The following RAB15 variants were observed in gnomAD, a reference collection of about 807,000 sequenced individuals.
RAB15 encodes the protein ras-related protein Rab-15.
Under a neutral mutation model 31.8 loss-of-function variants are expected in RAB15, and 13 were observed. That is an observed-to-expected ratio of 0.41 (90% CI 0.27 to 0.65). The LOEUF is 0.65. Ranked by LOEUF, RAB15 falls within the 30% of genes least tolerant of loss-of-function variation. RAB15 has a pLI of 0.32. For synonymous variants in RAB15, 100 were observed against 105.6 expected (o/e 0.95, Z 0.33); for missense variants, 220 against 277.3 (o/e 0.79, Z 1.47).
In RAB15 at chr14:64,954,415, G is replaced by T. The variant is rs999994521; in HGVS notation, c.125-1844C>A. 76 of 985,312 alleles carry T rather than the reference G, an allele frequency of 7.7e-5. No homozygotes were observed. The highest frequency in any genetic ancestry group is 1.8e-4 in the Admixed American group (3 of 16,268). 61.0% of individuals were successfully genotyped at this position (985,312 alleles called of 1,614,324 possible). On this transcript the variant is annotated intron_variant, in intron 1 of 6. Transcript: ENST00000533601. This position sits in a 1 kb window ranked among gnomAD's most constrained non-coding sequence, Gnocchi z 4.3. ...CAGCACCTTCTTCCAAGAAGAACGAGAAATTTTCTCCAATTTGTAATATAC... is the reference window on the plus strand; with the variant it reads ...CAGCACCTTCTTCCAAGAAGAACGATAAATTTTCTCCAATTTGTAATATAC...
At position 64,948,101 on chromosome 14, in the gene RAB15, G is replaced by A. The variant is rs1886014513; in HGVS notation, c.*253C>T. 2.3e-6 allele frequency: 1 copy of A among 428,886 alleles called. No homozygotes were observed. The highest frequency in any genetic ancestry group is 4.2e-5 in the Admixed American group (1 of 23,882). The allele number at this position is 428,886 out of a possible 1,614,324, so 26.6% of individuals were successfully genotyped here. On this transcript the variant is annotated 3_prime_UTR_variant, in exon 7 of 7. Coordinates refer to ENST00000533601, the MANE Select transcript of RAB15 (RefSeq NM_001308154.2). The surrounding 1 kb of genome is among the most constrained non-coding windows in gnomAD (Gnocchi z 7.0). ...TGAGACAGTGCTTGCGGCACATCGT[G>A]GGGGTCGTAGCAGGCCTGTGGCTGG...
chr14:64,961,631 G>GGCAT (rs1363057909), intron 1 of RAB15, among the ~76,000 whole-genome samples: 3 of 152,156 alleles, frequency 2.0e-5, no homozygotes, highest in Non-Finnish European at 2.9e-5. Flanking sequence ...CTCAAGCCCA[G>GGCAT]GCATGGTGGC....
At position 64,958,786 on chromosome 14, in the gene RAB15, G is replaced by A. The variant is rs1886708711; in HGVS notation, c.125-6215C>T. On this transcript the variant is annotated intron_variant, in intron 1 of 6. Coordinates refer to ENST00000533601, the MANE Select transcript of RAB15 (RefSeq NM_001308154.2). This position sits in a 1 kb window ranked among gnomAD's most constrained non-coding sequence, Gnocchi z 4.4. ...CCCAGGAGGAGAAAGTCAGACAGATGGGCCCTCTCCCAACCAGGTGCCCAA... is the reference window on the plus strand; with the variant it reads ...CCCAGGAGGAGAAAGTCAGACAGATAGGCCCTCTCCCAACCAGGTGCCCAA... 6.6e-6 allele frequency among the ~76,000 whole-genome samples: 1 copy of A among 152,168 alleles called. No homozygotes were observed. Among genetic ancestry groups the A allele is most frequent in the Non-Finnish European group, 1.5e-5 (1 of 68,030 alleles).
chr14:64,951,611 G>C lies in RAB15; in HGVS notation c.238C>G (p.Arg80Gly). ...YQTITKQYYR[R>G]AQGIFLVYDI... ...CCAATGTGGTGGCTTACCTGGGCCC[G>C]CCGATAGTACTGCTTTGTGATGGTC... Residue 80 changes from arginine to glycine, a missense_variant, in exon 3 of 7, where the codon CGG becomes GGG. By Grantham distance (125) the Arg-to-Gly change is moderately radical. Coordinates refer to ENST00000533601, the MANE Select transcript of RAB15 (RefSeq NM_001308154.2). This position sits in a 1 kb window ranked among gnomAD's most constrained non-coding sequence, Gnocchi z 7.2. 1 of 1,614,112 alleles carries C rather than the reference G, an allele frequency of 6.2e-7. No homozygotes were observed. Among genetic ancestry groups the C allele is most frequent in the Non-Finnish European group, 8.5e-7 (1 of 1,179,940 alleles).
rs1297688487 is a variant in RAB15 at position 64,952,666 on chromosome 14, A to G, written c.125-95T>C. 4.4e-6 allele frequency: 4 copies of G among 904,832 alleles called. No individual in the cohort carries two copies. Among genetic ancestry groups the G allele is most frequent in the South Asian group, 2.9e-5 (2 of 69,458 alleles). 56.1% of individuals were successfully genotyped at this position (904,832 alleles called of 1,614,324 possible). On this transcript the variant is annotated intron_variant, in intron 1 of 6. Transcript: ENST00000533601. The surrounding 1 kb of genome is among the most constrained non-coding windows in gnomAD (Gnocchi z 4.2). Reference sequence around the variant, plus strand: ...AATCACACTTGAAAGGTTTCCTTTCAGTTTAATTTGGCAAAGGGATGAAGT... The same window carrying G: ...AATCACACTTGAAAGGTTTCCTTTCGGTTTAATTTGGCAAAGGGATGAAGT...
Position 64,965,845 on chromosome 14 carries a change from C to T in RAB15, c.124+6108G>A, listed in dbSNP as rs549054615. Among the ~76,000 whole-genome samples the T allele has an allele frequency of 7.2e-5, 11 of 152,236 alleles. No individual in the cohort carries two copies. In the South Asian group the frequency reaches 1.9e-3, roughly 26 times the overall value. On this transcript the variant is annotated intron_variant, in intron 1 of 6. Coordinates refer to ENST00000533601, the MANE Select transcript of RAB15 (RefSeq NM_001308154.2). ...GTGCTCCCAGCTGTGGGTGCATCTGCGGATCTGTGGCACAGATGCACAGCA... is the reference window on the plus strand; with the variant it reads ...GTGCTCCCAGCTGTGGGTGCATCTGTGGATCTGTGGCACAGATGCACAGCA...
At position 64,954,979 on chromosome 14, in the gene RAB15, C is replaced by A. The variant is rs1886461284; in HGVS notation, c.125-2408G>T. 6.6e-6 allele frequency among the ~76,000 whole-genome samples: 1 copy of A among 152,032 alleles called. No individual in the cohort carries two copies. Among genetic ancestry groups the A allele is most frequent in the African/African-American group, 2.4e-5 (1 of 41,384 alleles). ...GAACTGACAAGGAGACAGGGTACTCCACCGGAAGTGAGGCTGGGCAGTGAC... is the reference window on the plus strand; with the variant it reads ...GAACTGACAAGGAGACAGGGTACTCAACCGGAAGTGAGGCTGGGCAGTGAC... On this transcript the variant is annotated intron_variant, in intron 1 of 6. Transcript: ENST00000533601. The surrounding 1 kb of genome is among the most constrained non-coding windows in gnomAD (Gnocchi z 4.3).
In RAB15 at chr14:64,946,112, CCTT is replaced by C. The variant is rs1228882723; in HGVS notation, c.*2239_*2241del. On this transcript the variant is annotated 3_prime_UTR_variant, in exon 7 of 7. Coordinates refer to ENST00000533601, the MANE Select transcript of RAB15 (RefSeq NM_001308154.2). Reference sequence around the variant, plus strand: ...AGCTGCACCCTAAAATCCCAATTCTCCTTCTGCTCCCATACCTTTTCCCAGTCA... The same window carrying C: ...AGCTGCACCCTAAAATCCCAATTCTCCTGCTCCCATACCTTTTCCCAGTCA... 5 of 152,614 alleles carry C rather than the reference CCTT, an allele frequency of 3.3e-5. No homozygotes were observed. Among genetic ancestry groups the C allele is most frequent in the East Asian group, 1.9e-4 (1 of 5,182 alleles). 9.5% of individuals were successfully genotyped at this position (152,614 alleles called of 1,614,324 possible). A position where few individuals can be genotyped will look rare whatever the true frequency, so the allele number is the denominator to read the frequency against.
rs1378679281 is a variant in RAB15 at position 64,946,684 on chromosome 14, C to T, written c.*1670G>A. ...GGAGTAAGGAAGTGAGGTTCTTATC[C>T]TTCACATATGAGTGCCCTGGATTTT... On this transcript the variant is annotated 3_prime_UTR_variant, in exon 7 of 7. Transcript: ENST00000533601. 6.6e-6 allele frequency: 1 copy of T among 152,172 alleles called. No homozygotes were observed. The highest frequency in any genetic ancestry group is 1.5e-5 in the Non-Finnish European group (1 of 68,030). 9.4% of individuals were successfully genotyped at this position (152,172 alleles called of 1,614,324 possible).
intron 1 of RAB15, among the ~76,000 whole-genome samples, chr14:64,957,329 G>C (rs1210269634): frequency 6.6e-6 from 1 of 152,128 alleles, no homozygotes; most frequent in Admixed American, 6.5e-5. Context: ...TGACAGCGTA[G>C]TCCTCTCACT....
In RAB15 at chr14:64,966,897, A is replaced by G. The variant is rs529239216; in HGVS notation, c.124+5056T>C. On this transcript the variant is annotated intron_variant, in intron 1 of 6. Transcript: ENST00000533601. ...CAGACCCAGCCCTGACCCTCTCACAACGTCACACTGCATTTGCCCCCAGCT... is the reference window on the plus strand; with the variant it reads ...CAGACCCAGCCCTGACCCTCTCACAGCGTCACACTGCATTTGCCCCCAGCT... Among the ~76,000 whole-genome samples, 25 of 152,212 alleles carry G rather than the reference A, an allele frequency of 1.6e-4. No individual in the cohort carries two copies. The South Asian group carries it at 5.2e-3, about 32-fold the overall frequency.
chr14:64,954,352 G>A lies in RAB15; in HGVS notation c.125-1781C>T. 2.0e-6 allele frequency: 2 copies of A among 985,264 alleles called. No homozygotes were observed. Among genetic ancestry groups the A allele is most frequent in the Non-Finnish European group, 2.4e-6 (2 of 829,854 alleles). The allele number at this position is 985,264 out of a possible 1,614,324, so 61.0% of individuals were successfully genotyped here. A position where few individuals can be genotyped will look rare whatever the true frequency, so the allele number is the denominator to read the frequency against. ...AGGCACCTGTTTCTCCCCAGTACCT[G>A]GCATAGAAGGGAATCAAGACATTCT... On this transcript the variant is annotated intron_variant, in intron 1 of 6. Transcript: ENST00000533601. This position sits in a 1 kb window ranked among gnomAD's most constrained non-coding sequence, Gnocchi z 4.3.
chr14:64,951,484 C>T lies in RAB15; in HGVS notation c.246+119G>A, dbSNP rs1004763857. The T allele has an allele frequency of 3.6e-5, 33 of 923,634 alleles. No homozygotes were observed. Among genetic ancestry groups the T allele is most frequent in the South Asian group, 6.5e-5 (5 of 76,532 alleles). The allele number at this position is 923,634 out of a possible 1,614,324, so 57.2% of individuals were successfully genotyped here. On this transcript the variant is annotated intron_variant, in intron 3 of 6. Coordinates refer to ENST00000533601, the MANE Select transcript of RAB15 (RefSeq NM_001308154.2). The surrounding 1 kb of genome is among the most constrained non-coding windows in gnomAD (Gnocchi z 7.2). ...CAGTGAACAGCTGAAAGACGCCCTGCGCTCCTCCAAGCAGGCGAACTGTAT... is the reference window on the plus strand; with the variant it reads ...CAGTGAACAGCTGAAAGACGCCCTGTGCTCCTCCAAGCAGGCGAACTGTAT...
Position 64,971,419 on chromosome 14 carries a change from C to A in RAB15, c.124+534G>T, listed in dbSNP as rs796967554. ...TCTGTGTCCTCCCCCAGGTGTCCCA[C>A]CTTGCGGCTTACCTTCCCAACTCTG... On this transcript the variant is annotated intron_variant, in intron 1 of 6. Coordinates refer to ENST00000533601, the MANE Select transcript of RAB15 (RefSeq NM_001308154.2). The surrounding 1 kb of genome is among the most constrained non-coding windows in gnomAD (Gnocchi z 4.1). Among the ~76,000 whole-genome samples, 45 of 152,276 alleles carry A rather than the reference C, an allele frequency of 3.0e-4. No homozygotes were observed. Among genetic ancestry groups the A allele is most frequent in the African/African-American group, 1.1e-3 (44 of 41,550 alleles).
In RAB15 at chr14:64,954,319, C is replaced by T. The variant is rs186727047; in HGVS notation, c.125-1748G>A. 2.8e-5 allele frequency: 28 copies of T among 985,362 alleles called. No individual in the cohort carries two copies. In the East Asian group the frequency reaches 1.4e-3, roughly 48 times the overall value. 61.0% of individuals were successfully genotyped at this position (985,362 alleles called of 1,614,324 possible). A position where few individuals can be genotyped will look rare whatever the true frequency, so the allele number is the denominator to read the frequency against. On this transcript the variant is annotated intron_variant, in intron 1 of 6. Transcript: ENST00000533601. This position sits in a 1 kb window ranked among gnomAD's most constrained non-coding sequence, Gnocchi z 4.3. ...GTATGCTTATTTCTGCCTGGATCAA[C>T]GGTTATCAGGCACCTGTTTCTCCCC...
At chr14:64,969,745 C>T (rs570351421) in intron 1 of RAB15, among the ~76,000 whole-genome samples, 10 of 152,330 alleles carry the variant, frequency 6.6e-5, no homozygotes, top group Non-Finnish European at 1.0e-4. Context: ...TTCACTGATT[C>T]ACCTATGTGC....
chr14:64,954,168 C>T lies in RAB15; in HGVS notation c.125-1597G>A, dbSNP rs1285782852. 4.1e-6 allele frequency: 4 copies of T among 985,314 alleles called. No homozygotes were observed. Among genetic ancestry groups the T allele is most frequent in the African/African-American group, 3.5e-5 (2 of 57,248 alleles). 61.0% of individuals were successfully genotyped at this position (985,314 alleles called of 1,614,324 possible). ...TCGCCTGCCCAAGCTGATTCATATC[C>T]ATTGAGCTGTACTTTTCCAAATGGG... On this transcript the variant is annotated intron_variant, in intron 1 of 6. Transcript: ENST00000533601. The surrounding 1 kb of genome is among the most constrained non-coding windows in gnomAD (Gnocchi z 4.3).
chr14:64,969,170 T>G (rs1241908519), intron 1 of RAB15, among the ~76,000 whole-genome samples: 1 of 152,224 alleles, frequency 6.6e-6, no homozygotes, highest in African/African-American at 2.4e-5. Context: ...ATGCACAATT[T>G]GAGAACAGTG....
chr14:64,966,553 T>A (rs1302038697), intron 1 of RAB15, among the ~76,000 whole-genome samples: 4 of 151,590 alleles, frequency 2.6e-5, no homozygotes, highest in African/African-American at 7.3e-5. Flanking sequence ...ATAAATAAAA[T>A]AATAATAATG....
Sources: allele counts gnomAD v4.1 joint callset (sites outside exome capture counted in the v4.1 genomes callset), GRCh38; gene constraint gnomAD v4.1.1; non-coding constraint Gnocchi (gnomAD v3.1); transcripts MANE v1.5; gene names NCBI Gene and HGNC (gene_info 2026-07-23, HGNC 2026-07-21).